The following ABI3BP variants were observed in gnomAD, a reference collection of about 807,000 sequenced individuals.
The protein encoded by ABI3BP is target of Nesh-SH3.
ABI3BP carries 216 observed loss-of-function variants against 268.6 expected under a neutral mutation model. The observed-to-expected ratio is 0.80, with a 90% CI of 0.72 to 0.90. ABI3BP has a LOEUF of 0.90. Among genes scored for constraint, ABI3BP ranks in the 40% least tolerant of loss-of-function variants. The pLI is 0.00. For missense variants in ABI3BP, 2,090 were observed against 2,182.4 expected, an observed-to-expected ratio of 0.96 and a Z score of 0.84; for synonymous variants, 730 against 730.0, an observed-to-expected ratio of 1.00 and a Z score of 0.00.
At position 100,751,660 on chromosome 3, in the gene ABI3BP, T is replaced by C. The variant is rs1304568251; in HGVS notation, c.5137A>G (p.Ile1713Val). 6.3e-7 allele frequency: 1 copy of C among 1,594,742 alleles called. No homozygotes were observed. The highest frequency in any genetic ancestry group is 2.2e-5 in the East Asian group (1 of 44,596). The change falls in exon 67 of 68, where the codon ATA becomes GTA. Residue 1713 changes from isoleucine to valine, a missense_variant. Ile to Val is a conservative substitution (Grantham distance 29). Transcript: ENST00000471714. ...SDSLTGKFYNIGDQRGHGEDH... is the reference protein window; with the variant it reads ...SDSLTGKFYNVGDQRGHGEDH... ...TCTCCATGGCCCCTCTGATCACCTA[T>C]GTTATAAAATTTTCCTGAAGAACCA... is the stretch of plus-strand genomic sequence containing the variant.
At chr3:100,914,326 C>T in intron 2 of ABI3BP, 2 of 382,286 alleles carry the variant, frequency 5.2e-6, no homozygotes, top group Non-Finnish European at 1.1e-5. Context: ...CTCTGTTATG[C>T]CCCATGGCTT....
chr3:100,851,021 T>G (rs903850220), intron 15 of ABI3BP, among the ~76,000 whole-genome samples: 1 of 152,258 alleles, frequency 6.6e-6, no homozygotes, highest in African/African-American at 2.4e-5. Context: ...TCATAATTGC[T>G]AACTGAACTC....
At chr3:100,897,654 G>C (rs1268967453) in intron 4 of ABI3BP, among the ~76,000 whole-genome samples, 1 of 152,122 alleles carries the variant, frequency 6.6e-6, no homozygotes, top group South Asian at 2.1e-4. Context: ...GTTTCTGGAG[G>C]AAAGTACTTT....
At chr3:100,847,949 A>T (rs115302952) in intron 18 of ABI3BP, among the ~76,000 whole-genome samples, 1,731 of 152,322 alleles carry the variant, frequency 0.011, 32 homozygotes, top group African/African-American at 0.039. Flanking sequence ...CAGGTTAATA[A>T]GCATCTGTAC....
chr3:100,750,653 AT>A, intron 67 of ABI3BP, 43 bp from the exon 68 acceptor site: 1 of 1,467,728 alleles, frequency 6.8e-7, no homozygotes. Flanking sequence ...GCTGTATTAT[AT>A]TTTTGCCCTC....
chr3:100,917,342 T>C (rs2058920870), intron 2 of ABI3BP, among the ~76,000 whole-genome samples: 1 of 152,114 alleles, frequency 6.6e-6, no homozygotes, highest in South Asian at 2.1e-4. Flanking sequence ...CCCACATGTG[T>C]CAGAGAGCAC....
intron 9 of ABI3BP, 52 bp from the exon 10 acceptor site, chr3:100,867,008 C>A (rs758036020): frequency 2.3e-5 from 32 of 1,402,970 alleles, no homozygotes; most frequent in Middle Eastern, 1.8e-4. Flanking sequence ...TCCAAAAATA[C>A]CTCCCTCAAT....
chr3:100,950,910 A>G (rs2074685672), intron 1 of ABI3BP, among the ~76,000 whole-genome samples: 1 of 151,888 alleles, frequency 6.6e-6, no homozygotes. Context: ...CCACGTGCCC[A>G]GGGAACATTA....
At chr3:100,799,314 C>T (rs1047355055) in intron 51 of ABI3BP, among the ~76,000 whole-genome samples, 3 of 152,162 alleles carry the variant, frequency 2.0e-5, no homozygotes, top group African/African-American at 7.2e-5. Context: ...TCCAGAAACT[C>T]TGAAAGCTGA....
intron 1 of ABI3BP, among the ~76,000 whole-genome samples, chr3:100,986,858 T>A (rs2091907825): frequency 6.6e-6 from 1 of 152,234 alleles, no homozygotes; most frequent in Admixed American, 6.5e-5. Context: ...CACAGTAATA[T>A]GGTTATCATC....
chr3:100,992,401 T>C (rs549297760), intron 1 of ABI3BP, among the ~76,000 whole-genome samples: 38 of 152,320 alleles, frequency 2.5e-4, no homozygotes, highest in Admixed American at 9.1e-4. Context: ...ACCAGGTTCT[T>C]GACAAGCCTG....
chr3:100,899,530 T>C (rs1378741633), intron 3 of ABI3BP, among the ~76,000 whole-genome samples: 1 of 152,186 alleles, frequency 6.6e-6, no homozygotes, highest in African/African-American at 2.4e-5. Context: ...ACAGTTGTTC[T>C]GATGGTGCCA....
chr3:100,818,764 C>T (rs140929748), intron 40 of ABI3BP, among the ~76,000 whole-genome samples, 183 bp from the exon 41 acceptor site: 54 of 152,238 alleles, frequency 3.5e-4, no homozygotes, highest in Non-Finnish European at 6.6e-4. Flanking sequence ...TTAGTCACAG[C>T]CTACACAATT....
intron 14 of ABI3BP, among the ~76,000 whole-genome samples, chr3:100,855,822 A>G (rs2098933213): frequency 6.6e-6 from 1 of 152,266 alleles, no homozygotes; most frequent in Non-Finnish European, 1.5e-5. Context: ...GAGGAGAAAA[A>G]CAATACCACA....
intron 9 of ABI3BP, among the ~76,000 whole-genome samples, chr3:100,867,359 C>T (rs781687544): frequency 9.2e-5 from 14 of 151,976 alleles, no homozygotes; most frequent in Admixed American, 2.0e-4. Context: ...AGAAAATTTC[C>T]GGCCGGGCGT....
At chr3:100,780,846 T>C (rs1394076) in intron 57 of ABI3BP, among the ~76,000 whole-genome samples, 146,663 of 152,260 alleles carry the variant, frequency 0.96, 70,669 homozygotes, top group East Asian at 1. Context: ...TCAATAATCT[T>C]GTGGTTATTA....
intron 45 of ABI3BP, among the ~76,000 whole-genome samples, chr3:100,812,792 G>A (rs943120429): frequency 5.3e-5 from 8 of 152,106 alleles, no homozygotes; most frequent in Non-Finnish European, 1.2e-4. Flanking sequence ...AGAAATTACA[G>A]TCCTACGGAA....
At chr3:100,852,238 A>G (rs1320792410) in intron 14 of ABI3BP, among the ~76,000 whole-genome samples, 1 of 152,204 alleles carries the variant, frequency 6.6e-6, no homozygotes, top group Non-Finnish European at 1.5e-5. Context: ...GCTGTAAATC[A>G]AAGAGCTGCA....
intron 61 of ABI3BP, 38 bp downstream of exon 61, chr3:100,774,567 C>T: frequency 2.0e-6 from 3 of 1,496,436 alleles, no homozygotes; most frequent in East Asian, 2.4e-5. Flanking sequence ...CCAAAAATGG[C>T]CTTTTCAAAT....
Sources: gnomAD v4.1 joint callset for allele counts (sites outside exome capture counted in the v4.1 genomes callset) on GRCh38, gnomAD v4.1.1 for gene constraint, MANE v1.5 for transcripts, NCBI Gene and HGNC (gene_info 2026-07-23, HGNC 2026-07-21) for gene names.